The following RUNX1T1 variants were observed in gnomAD, a reference collection of about 807,000 sequenced individuals.
RUNX1T1 encodes protein CBFA2T1.
RUNX1T1 carries 4 observed loss-of-function variants against 62.8 expected under a neutral mutation model. That is an observed-to-expected ratio of 0.06 (90% CI 0.03 to 0.15). The LOEUF (loss-of-function observed/expected upper bound fraction) is 0.15, where lower values mean the gene tolerates loss of function less well. RUNX1T1 is among the 10% of genes least tolerant of loss of function. The pLI is 1.00. For missense variants in RUNX1T1, 508 were observed against 754.3 expected (o/e 0.67, Z 3.82); for synonymous variants, 291 against 286.0 (o/e 1.02, Z -0.18).
intron 6 of RUNX1T1, among the ~76,000 whole-genome samples, chr8:91,987,530 CTCAT>C (rs1816828682): frequency 1.3e-5 from 2 of 152,016 alleles, no homozygotes; most frequent in African/African-American, 2.4e-5. Flanking sequence ...GCTACATATA[CTCAT>C]TCAGTTTACC....
chr8:92,042,207 T>C (rs1249190382), intron 1 of RUNX1T1, among the ~76,000 whole-genome samples: 1 of 152,168 alleles, frequency 6.6e-6, no homozygotes, highest in African/African-American at 2.4e-5. Flanking sequence ...TATGATATCA[T>C]GATGATACGC....
chr8:92,048,775 ATG>A (rs142701401), intron 1 of RUNX1T1, among the ~76,000 whole-genome samples: 338 of 152,266 alleles, frequency 2.2e-3, no homozygotes, highest in African/African-American at 8.0e-3. Flanking sequence ...TCTGAAAAAC[ATG>A]TGAGAGAAAT....
chr8:92,062,967 C>A, upstream of RUNX1T1: 1 of 1,218,840 alleles, frequency 8.2e-7, no homozygotes, highest in Non-Finnish European at 1.0e-6. Context: ...TTATTCACCA[C>A]CACCCCCATC....
At chr8:92,018,599 A>C (rs1459609127) in intron 1 of RUNX1T1, among the ~76,000 whole-genome samples, 1 of 152,230 alleles carries the variant, frequency 6.6e-6, no homozygotes, top group East Asian at 1.9e-4. Context: ...AAAATGTTAT[A>C]ATAACCACAG....
At chr8:92,046,685 G>C (rs1218330085) in intron 1 of RUNX1T1, among the ~76,000 whole-genome samples, 1 of 152,098 alleles carries the variant, frequency 6.6e-6, no homozygotes, top group East Asian at 1.9e-4. Flanking sequence ...TATTACTGCA[G>C]CCTGACTGTT....
chr8:92,014,918 T>A, intron 2 of RUNX1T1, 98 bp from the exon 4 acceptor site: 1 of 1,219,062 alleles, frequency 8.2e-7, no homozygotes. Flanking sequence ...TCTACTAGTT[T>A]TATAAGTTTT....
chr8:92,095,081 G>A (rs1020532331), intron 1 of RUNX1T1: 4 of 1,535,530 alleles, frequency 2.6e-6, no homozygotes, highest in Non-Finnish European at 3.5e-6. Context: ...GTCAAGGCCA[G>A]GGGTAGATGC....
intron 1 of RUNX1T1, chr8:92,081,435 T>C (rs1279015494): frequency 5.6e-6 from 1 of 177,014 alleles, no homozygotes; most frequent in African/African-American, 2.4e-5. Context: ...AAAAACAAAA[T>C]ACCTAGGATC....
intron 1 of RUNX1T1, among the ~76,000 whole-genome samples, chr8:92,084,059 T>C (rs1306719930): frequency 6.6e-6 from 1 of 151,688 alleles, no homozygotes; most frequent in Non-Finnish European, 1.5e-5. Flanking sequence ...TGAGAACACA[T>C]GGACACAGGG....
rs1418422985 is a variant in RUNX1T1 at position 92,086,263 on chromosome 8, AAAG to A, written c.-85-10129_-85-10127del. Among the ~76,000 whole-genome samples, 7 of 152,330 alleles carry A rather than the reference AAAG, an allele frequency of 4.6e-5. No individual in the cohort carries two copies. In the East Asian group the frequency reaches 1.2e-3, roughly 25 times the overall value. On this transcript the variant is annotated intron_variant, in intron 1 of 11. Transcript: ENST00000265814. ...TCTCCTTCTTACCATGTTAGAATTCAAAGAAGTTTTATAAATTATTTTACAAAC... is the reference window on the plus strand; with the variant it reads ...TCTCCTTCTTACCATGTTAGAATTCAAAGTTTTATAAATTATTTTACAAAC...
At chr8:92,051,385 T>G (rs1410739993) in intron 1 of RUNX1T1, among the ~76,000 whole-genome samples, 1 of 152,124 alleles carries the variant, frequency 6.6e-6, no homozygotes, top group African/African-American at 2.4e-5. Context: ...CAAAATGTTT[T>G]AAGTGCCGTA....
At chr8:92,005,835 T>C (rs1024133915) in intron 4 of RUNX1T1, 9 of 152,298 alleles carry the variant, frequency 5.9e-5, no homozygotes, top group African/African-American at 1.9e-4. Flanking sequence ...TAGAGATTAT[T>C]TTCCATAGTC....
At chr8:92,013,555 C>A (rs2131126196) in intron 3 of RUNX1T1, among the ~76,000 whole-genome samples, 1 of 152,224 alleles carries the variant, frequency 6.6e-6, no homozygotes, top group Non-Finnish European at 1.5e-5. Context: ...GTGGAGACGA[C>A]CATAACCCTG....
upstream of RUNX1T1, among the ~76,000 whole-genome samples, chr8:92,101,741 A>G (rs1838046068): frequency 6.6e-6 from 1 of 152,188 alleles, no homozygotes; most frequent in Non-Finnish European, 1.5e-5. Flanking sequence ...GACCGCCCTT[A>G]CAAAAAATAA....
chr8:92,007,495 C>T (rs549242610), intron 4 of RUNX1T1, among the ~76,000 whole-genome samples: 2 of 151,604 alleles, frequency 1.3e-5, no homozygotes, highest in African/African-American at 4.8e-5. Context: ...TTCTGAAGTA[C>T]AGTCATGCAC....
intron 1 of RUNX1T1, among the ~76,000 whole-genome samples, chr8:92,034,749 TATATATACACAC>T (rs1280371937): frequency 6.8e-6 from 1 of 146,240 alleles, no homozygotes; most frequent in Admixed American, 6.9e-5. Context: ...TATATACACA[TATATATACACAC>T]ATATACATAT....
intron 1 of RUNX1T1, among the ~76,000 whole-genome samples, chr8:92,040,355 C>G (rs1229807177): frequency 1.3e-5 from 2 of 152,196 alleles, no homozygotes; most frequent in African/African-American, 2.4e-5. Context: ...CGTGTGTATA[C>G]TATATACACA....
intron 1 of RUNX1T1, among the ~76,000 whole-genome samples, chr8:92,060,818 C>A (rs1475673024): frequency 6.6e-6 from 1 of 151,916 alleles, no homozygotes; most frequent in Non-Finnish European, 1.5e-5. Flanking sequence ...CAAAAATAGC[C>A]AAGTGTCAAA....
At chr8:92,045,240 G>A (rs936955203) in intron 1 of RUNX1T1, among the ~76,000 whole-genome samples, 6 of 152,080 alleles carry the variant, frequency 3.9e-5, no homozygotes, top group East Asian at 1.9e-4. Flanking sequence ...TCAAAGCTTC[G>A]ATAATGAGAT....
Sources: gnomAD v4.1 joint callset for allele counts (sites outside exome capture counted in the v4.1 genomes callset) on GRCh38, gnomAD v4.1.1 for gene constraint, MANE v1.5 for transcripts, NCBI Gene and HGNC (gene_info 2026-07-23, HGNC 2026-07-21) for gene names.